ZNF469: variants seen among roughly 807,000 people sequenced by gnomAD.
The protein encoded by ZNF469 is zinc finger protein 469.
Under a neutral mutation model 1.0 loss-of-function variants are expected in ZNF469, and 1 was observed. The ratio of observed to expected loss-of-function variants is 1.00; its 90% CI spans 0.35 to 4.73. The LOEUF (loss-of-function observed/expected upper bound fraction) is 4.73. Among genes scored for constraint, ZNF469 ranks in the 30% most tolerant of loss-of-function variants. ZNF469 has a pLI of 0.16. For missense variants in ZNF469, 6,100 were observed against 5,356.3 expected, an observed-to-expected ratio of 1.14 and a Z score of -4.33; for synonymous variants, 2,703 against 2,363.4, an observed-to-expected ratio of 1.14 and a Z score of -4.17.
At chr16:88,420,446 A>G (rs929650298) in intron 1 of ZNF469, among the ~76,000 whole-genome samples, 6 of 152,176 alleles carry the variant, frequency 3.9e-5, no homozygotes, top group Non-Finnish European at 7.4e-5. Flanking sequence ...ATCAGATCCA[A>G]CCTCCATTTA....
chr16:88,343,628 C>T, the ZNF469 span, among the ~76,000 whole-genome samples: 1 of 152,146 alleles, frequency 6.6e-6, no homozygotes, highest in Admixed American at 6.5e-5. Flanking sequence ...GGGGACTCTG[C>T]AGCATCTGAG....
chr16:88,308,912 A>G, the ZNF469 span, among the ~76,000 whole-genome samples: 1 of 152,100 alleles, frequency 6.6e-6, no homozygotes, highest in Non-Finnish European at 1.5e-5. Context: ...ATTTGCATCA[A>G]GGCTAGCCTG....
At chr16:88,137,872 C>A in the ZNF469 span, among the ~76,000 whole-genome samples, 1 of 152,156 alleles carries the variant, frequency 6.6e-6, no homozygotes, top group East Asian at 1.9e-4. Flanking sequence ...GGCTGGGAGA[C>A]CATGGCTAGC....
At chr16:88,379,173 C>T (rs1235504436), upstream of ZNF469, among the ~76,000 whole-genome samples, 1 of 152,058 alleles carries the variant, frequency 6.6e-6, no homozygotes. Context: ...TCTACTGGGA[C>T]CCAGGAAACC....
At chr16:88,193,039 GTGGTGGTGATGA>G in the ZNF469 span, among the ~76,000 whole-genome samples, 1 of 132,302 alleles carries the variant, frequency 7.6e-6, no homozygotes, top group African/African-American at 2.9e-5. Context: ...GGTGGTGATG[GTGGTGGTGATGA>G]TGGTGATGGT....
chr16:88,435,518 G>A lies in ZNF469; in HGVS notation c.8048G>A (p.Gly2683Glu), dbSNP rs912981227. Residue 2683 changes from glycine (G) to glutamate (E), a missense_variant, in exon 3 of 3, where the codon GGA (glycine) becomes GAA (glutamate). Gly to Glu is a moderately conservative substitution (Grantham distance 98). Transcript: ENST00000565624. The part of the protein sequence containing the change: ...ASPSHCLSVE[G>E]GPEADGEQPP... ...CCGAGCCACTGCCTCTCTGTGGAAG[G>A]AGGGCCTGAGGCTGACGGGGAGCAG... 2 of 1,549,334 alleles carry A rather than the reference G, an allele frequency of 1.3e-6. No homozygotes were observed. The highest frequency in any genetic ancestry group is 1.7e-6 in the Non-Finnish European group (2 of 1,147,000).
At chr16:88,400,777 C>A (rs1449916378) in intron 1 of ZNF469, among the ~76,000 whole-genome samples, 10 of 152,090 alleles carry the variant, frequency 6.6e-5, no homozygotes, top group Non-Finnish European at 2.9e-5. Context: ...CAGGTCACCT[C>A]ACCTCTGGAT....
At chr16:88,168,633 A>G in the ZNF469 span, among the ~76,000 whole-genome samples, 1 of 152,170 alleles carries the variant, frequency 6.6e-6, no homozygotes, top group East Asian at 1.9e-4. This position sits in a 1 kb window ranked among gnomAD's most constrained non-coding sequence, Gnocchi z 4.3. Flanking sequence ...TCCTCTCCAG[A>G]ACAGTTTGTT....
chr16:88,341,729 A>G, the ZNF469 span, among the ~76,000 whole-genome samples: 5 of 152,266 alleles, frequency 3.3e-5, no homozygotes, highest in South Asian at 1.0e-3. Context: ...TGCAGCGTCC[A>G]CAGACTGGGG....
At position 88,435,839 on chromosome 16, in the gene ZNF469, GGGA is replaced by G. The variant is rs1294906312; in HGVS notation, c.8374_8376del (p.Glu2792del). ...CACAGCCGATCAGAGGAAGGTGTCT[GGGA>G]GGAGAACACGCCCCCCTTGGGCCCC... On this transcript the variant is annotated inframe_deletion, in exon 3 of 3. Transcript: ENST00000565624. 10 of 1,550,520 alleles carry G rather than the reference GGGA, an allele frequency of 6.4e-6. No homozygotes were observed. The highest frequency in any genetic ancestry group is 1.2e-5 in the South Asian group (1 of 84,064).
At chr16:88,275,983 C>T in the ZNF469 span, among the ~76,000 whole-genome samples, 3 of 152,142 alleles carry the variant, frequency 2.0e-5, no homozygotes, top group African/African-American at 4.8e-5. Flanking sequence ...CCTGGGAGGC[C>T]GTGGCAGCGA....
At chr16:88,165,805 G>A in the ZNF469 span, among the ~76,000 whole-genome samples, 4 of 151,810 alleles carry the variant, frequency 2.6e-5, no homozygotes, top group Admixed American at 2.6e-4. Flanking sequence ...GCCCGGCCCC[G>A]CCGCCTCCTT....
At chr16:88,188,593 G>C in the ZNF469 span, among the ~76,000 whole-genome samples, 3 of 152,168 alleles carry the variant, frequency 2.0e-5, no homozygotes, top group African/African-American at 7.2e-5. Context: ...TGGGTCCCCA[G>C]GCACCACTGC....
chr16:88,129,483 A>G, the ZNF469 span, among the ~76,000 whole-genome samples: 7 of 152,122 alleles, frequency 4.6e-5, no homozygotes, highest in Non-Finnish European at 1.0e-4. Flanking sequence ...TTATGCAAAT[A>G]TCTGTTTCTT....
chr16:88,381,287 C>T (rs376053367), upstream of ZNF469, among the ~76,000 whole-genome samples: 24 of 149,386 alleles, frequency 1.6e-4, no homozygotes, highest in South Asian at 8.6e-4. Context: ...CTCACACACA[C>T]GCACTCACAC....
chr16:88,121,474 G>A, the ZNF469 span, among the ~76,000 whole-genome samples: 2 of 152,208 alleles, frequency 1.3e-5, no homozygotes, highest in African/African-American at 4.8e-5. Context: ...AGAATGAAAC[G>A]TTCGCAAAGA....
At chr16:88,288,865 A>C in the ZNF469 span, among the ~76,000 whole-genome samples, 1 of 149,120 alleles carries the variant, frequency 6.7e-6, no homozygotes, top group Non-Finnish European at 1.5e-5. Flanking sequence ...AGAGAGAGAG[A>C]GCACTTGTAA....
chr16:88,398,248 G>A (rs867785537), intron 1 of ZNF469, among the ~76,000 whole-genome samples: 1 of 151,750 alleles, frequency 6.6e-6, no homozygotes. Flanking sequence ...GGCCACACAC[G>A]CAAGACACCA....
At chr16:88,132,132 G>A in the ZNF469 span, among the ~76,000 whole-genome samples, 5,126 of 151,878 alleles carry the variant, frequency 0.034, 1 homozygote, top group African/African-American at 0.11. Flanking sequence ...CTGTGGCCCC[G>A]GCCATACCGA....
Sources: gnomAD v4.1 joint callset for allele counts (sites outside exome capture counted in the v4.1 genomes callset) on GRCh38, gnomAD v4.1.1 for gene constraint, Gnocchi (gnomAD v3.1) non-coding constraint, MANE v1.5 for transcripts, NCBI Gene and HGNC (gene_info 2026-07-23, HGNC 2026-07-21) for gene names.